The following MAP3K5 variants were observed in gnomAD, a reference collection of about 807,000 sequenced individuals.
The protein encoded by MAP3K5 is mitogen-activated protein kinase kinase kinase 5, also known as ASK-1.
MAP3K5 carries 56 observed loss-of-function variants against 158.7 expected under a neutral mutation model. That is an observed-to-expected ratio of 0.35 (90% confidence interval 0.28 to 0.44). MAP3K5 has a LOEUF of 0.44. MAP3K5 is among the 20% of genes least tolerant of loss of function. The pLI, the probability that MAP3K5 is intolerant of heterozygous loss-of-function variation, is 1.00. For missense variants in MAP3K5, 1,294 were observed against 1,674.8 expected (o/e 0.77, Z 3.97); for synonymous variants, 579 against 601.7 (o/e 0.96, Z 0.55).
chr6:136,706,728 C>T (rs888825920), intron 2 of MAP3K5, among the ~76,000 whole-genome samples: 2 of 152,164 alleles, frequency 1.3e-5, no homozygotes, highest in South Asian at 2.1e-4. Context: ...GAAGAACCAA[C>T]AAGGACTTTC....
intron 7 of MAP3K5, among the ~76,000 whole-genome samples, chr6:136,679,981 A>G (rs1368197903): frequency 1.3e-5 from 2 of 152,192 alleles, no homozygotes; most frequent in Non-Finnish European, 2.9e-5. Context: ...TTACAAAGGA[A>G]GAAAATTCAG....
At chr6:136,711,392 C>A (rs925651093) in intron 2 of MAP3K5, among the ~76,000 whole-genome samples, 1 of 152,064 alleles carries the variant, frequency 6.6e-6, no homozygotes, top group Admixed American at 6.6e-5. Flanking sequence ...TGGCCAGGAG[C>A]GTTGGCTCAT....
At position 136,628,476 on chromosome 6, in the gene MAP3K5, C is replaced by T. The variant is rs1777151231; in HGVS notation, c.2017-5495G>A. Among the ~76,000 whole-genome samples the T allele has an allele frequency of 1.3e-5, 2 of 151,970 alleles. 1 individual carries two copies. Among genetic ancestry groups the T allele is most frequent in the South Asian group, 4.2e-4 (2 of 4,816 alleles). ...CAGGCTGGACTCAAAGTCCTGGGCT[C>T]AAGTGATCCTCCCAAATAGCTGGGA... On this transcript the variant is annotated intron_variant, in intron 14 of 29. Transcript: ENST00000359015.
intron 14 of MAP3K5, 85 bp from the exon 15 acceptor site, chr6:136,623,066 T>C: frequency 7.7e-7 from 1 of 1,298,870 alleles, no homozygotes; most frequent in Non-Finnish European, 1.1e-6. Context: ...AAGAGCATTA[T>C]TCCTTATCTT....
intron 24 of MAP3K5, among the ~76,000 whole-genome samples, chr6:136,580,840 G>A (rs528375591): frequency 2.6e-5 from 4 of 151,746 alleles, no homozygotes; most frequent in Non-Finnish European, 4.4e-5. Context: ...TTGGAGACAC[G>A]GTCTTGCTCT....
At chr6:136,658,913 G>A (rs986887148) in intron 9 of MAP3K5, among the ~76,000 whole-genome samples, 8 of 152,224 alleles carry the variant, frequency 5.3e-5, no homozygotes, top group Non-Finnish European at 7.3e-5. Flanking sequence ...CCGAACATAA[G>A]TTATATTTGC....
chr6:136,640,914 T>C (rs980628875), intron 12 of MAP3K5, among the ~76,000 whole-genome samples: 2 of 152,194 alleles, frequency 1.3e-5, no homozygotes, highest in African/African-American at 2.4e-5. Context: ...TTTCTCAGCA[T>C]ATAAGCCAGC....
At chr6:136,650,931 G>T in intron 11 of MAP3K5, 53 bp downstream of exon 11, 1 of 1,072,092 alleles carries the variant, frequency 9.3e-7, no homozygotes, top group Non-Finnish European at 1.4e-6. Context: ...ATGCTAGAAG[G>T]GTGTAAAGTC....
chr6:136,667,344 G>A (rs531611146), intron 8 of MAP3K5, among the ~76,000 whole-genome samples: 1 of 152,128 alleles, frequency 6.6e-6, no homozygotes, highest in Non-Finnish European at 1.5e-5. Context: ...TTTAGTCTTA[G>A]ACACAAAATT....
At chr6:136,582,320 C>T (rs535355302) in intron 24 of MAP3K5, among the ~76,000 whole-genome samples, 193 of 148,922 alleles carry the variant, frequency 1.3e-3, no homozygotes, top group Middle Eastern at 7.1e-3. Context: ...CTGACCTGGC[C>T]CAAGGCCCAG....
chr6:136,562,476 A>T lies in MAP3K5; in HGVS notation c.3874+27T>A, dbSNP rs560093342. 258 of 1,242,792 alleles carry T rather than the reference A, an allele frequency of 2.1e-4. 1 individual carries two copies. The South Asian group carries it at 3.5e-3, about 17-fold the overall frequency. 77.0% of individuals were successfully genotyped at this position (1,242,792 alleles called of 1,614,324 possible). A position where few individuals can be genotyped will look rare whatever the true frequency, so the allele number is the denominator to read the frequency against. ...TTTTGTGGCAGCCTGGCTGAACAGT[A>T]TTACTATAAAACTTTCTGCTATTCA... On this transcript the variant is annotated intron_variant, in intron 27 of 29. Coordinates refer to ENST00000359015, the MANE Select transcript of MAP3K5 (RefSeq NM_005923.4).
intron 7 of MAP3K5, among the ~76,000 whole-genome samples, chr6:136,692,936 A>G (rs1008588999): frequency 1.1e-4 from 16 of 152,080 alleles, no homozygotes; most frequent in African/African-American, 3.4e-4. Context: ...AGCCTGAGTG[A>G]CGGAGCAAGA....
At chr6:136,676,456 T>C (rs1196201028) in intron 7 of MAP3K5, among the ~76,000 whole-genome samples, 1 of 152,208 alleles carries the variant, frequency 6.6e-6, no homozygotes, top group Non-Finnish European at 1.5e-5. Context: ...TGTTACATTA[T>C]TCACTGTGTT....
intron 1 of MAP3K5, among the ~76,000 whole-genome samples, chr6:136,791,400 AGACT>A (rs1192660998): frequency 1.3e-4 from 20 of 152,136 alleles, no homozygotes; most frequent in Non-Finnish European, 2.4e-4. Flanking sequence ...GAAAGGAGAA[AGACT>A]GACTGGGGCA....
At chr6:136,566,505 T>C (rs1442392056) in intron 26 of MAP3K5, among the ~76,000 whole-genome samples, 1 of 152,142 alleles carries the variant, frequency 6.6e-6, no homozygotes, top group Non-Finnish European at 1.5e-5. Flanking sequence ...GGTGTTATCC[T>C]TGGACTCTTG....
intron 14 of MAP3K5, among the ~76,000 whole-genome samples, chr6:136,626,374 G>C (rs1427281544): frequency 6.6e-6 from 1 of 152,218 alleles, no homozygotes; most frequent in African/African-American, 2.4e-5. Flanking sequence ...TGGCACATTA[G>C]AGAATAGCCC....
At chr6:136,645,986 T>C (rs1391065237) in intron 11 of MAP3K5, among the ~76,000 whole-genome samples, 3 of 152,222 alleles carry the variant, frequency 2.0e-5, no homozygotes, top group Admixed American at 6.5e-5. Context: ...CTGTTATTTA[T>C]AGTTGTTTTA....
intron 3 of MAP3K5, among the ~76,000 whole-genome samples, chr6:136,701,339 A>G (rs1780845456): frequency 6.6e-6 from 1 of 152,202 alleles, no homozygotes; most frequent in Non-Finnish European, 1.5e-5. Context: ...ATTTATGACT[A>G]TGTTATCCTT....
At chr6:136,559,026 A>G in intron 28 of MAP3K5, 150 bp from the exon 29 acceptor site, 1 of 593,002 alleles carries the variant, frequency 1.7e-6, no homozygotes, top group Non-Finnish European at 3.0e-6. Flanking sequence ...TTATTAGGGG[A>G]AAGGCCTCCC....
Sources: allele counts gnomAD v4.1 joint callset (sites outside exome capture counted in the v4.1 genomes callset), GRCh38; gene constraint gnomAD v4.1.1; transcripts MANE v1.5; gene names NCBI Gene and HGNC (gene_info 2026-07-23, HGNC 2026-07-21).